Variants in ADAMTS16 observed in about 807,000 individuals in gnomAD.
ADAMTS16 encodes ADAM metallopeptidase with thrombospondin type 1 motif 16, also known as A disintegrin and metalloproteinase with thrombospondin motifs 16.
A neutral mutation model predicts 145.8 loss-of-function variants in ADAMTS16; 94 were observed. The observed-to-expected ratio is 0.64, with a 90% confidence interval of 0.55 to 0.77. ADAMTS16 has a LOEUF of 0.77. ADAMTS16 is among the 30% of genes least tolerant of loss of function. ADAMTS16 has a pLI of 0.00. For synonymous variants in ADAMTS16, 659 were observed against 604.3 expected (o/e 1.09, Z -1.33); for missense variants, 1,585 against 1,591.5 (o/e 1.00, Z 0.07).
intron 21 of ADAMTS16, among the ~76,000 whole-genome samples, chr5:5,307,156 G>C (rs771792754): frequency 2.5e-4 from 38 of 152,066 alleles, no homozygotes; most frequent in Non-Finnish European, 4.6e-4. Flanking sequence ...CATGGAGCGG[G>C]GGTTCCTTCC....
intron 8 of ADAMTS16, among the ~76,000 whole-genome samples, chr5:5,195,156 G>A (rs1735767821): frequency 6.6e-6 from 1 of 150,460 alleles, no homozygotes; most frequent in African/African-American, 2.5e-5. Flanking sequence ...GAGAGGAGGA[G>A]AGACTGGAAC....
At chr5:5,225,355 A>G (rs867385883) in intron 11 of ADAMTS16, among the ~76,000 whole-genome samples, 22 of 152,154 alleles carry the variant, frequency 1.4e-4, no homozygotes, top group African/African-American at 5.3e-4. Context: ...TAATCTCAGC[A>G]CTTTGGAAAG....
intron 8 of ADAMTS16, among the ~76,000 whole-genome samples, chr5:5,196,212 T>C (rs931304650): frequency 8.1e-5 from 9 of 111,110 alleles, no homozygotes; most frequent in African/African-American, 3.3e-4. Context: ...CACTCCAGCC[T>C]GGGCAACAGA....
intron 18 of ADAMTS16, among the ~76,000 whole-genome samples, chr5:5,276,711 G>A (rs572451044): frequency 9.2e-5 from 14 of 152,284 alleles, no homozygotes; most frequent in African/African-American, 3.1e-4. Flanking sequence ...CACACAGTGG[G>A]GCTGCTTGCA....
intron 18 of ADAMTS16, among the ~76,000 whole-genome samples, chr5:5,300,722 C>T (rs947593314): frequency 5.9e-5 from 9 of 152,294 alleles, no homozygotes; most frequent in Admixed American, 3.3e-4. Flanking sequence ...CCCTCTCCTT[C>T]GAGGTTCTAC....
At chr5:5,258,172 C>A (rs148852951) in intron 17 of ADAMTS16, among the ~76,000 whole-genome samples, 142 of 152,230 alleles carry the variant, frequency 9.3e-4, no homozygotes, top group African/African-American at 3.3e-3. Flanking sequence ...AATCATCCGC[C>A]GTTAGTGATT....
intron 17 of ADAMTS16, among the ~76,000 whole-genome samples, chr5:5,255,282 C>G (rs1737744677): frequency 6.6e-6 from 1 of 152,030 alleles, no homozygotes; most frequent in Admixed American, 6.6e-5. Flanking sequence ...AAAATAGAAA[C>G]CTTTCTAGGT....
chr5:5,255,684 G>A (rs1737756263), intron 17 of ADAMTS16, among the ~76,000 whole-genome samples: 1 of 152,204 alleles, frequency 6.6e-6, no homozygotes, highest in African/African-American at 2.4e-5. Flanking sequence ...ACAGATATGA[G>A]AGTTAGAAAA....
chr5:5,282,483 C>G (rs887345755), intron 18 of ADAMTS16, among the ~76,000 whole-genome samples: 8 of 152,080 alleles, frequency 5.3e-5, no homozygotes, highest in African/African-American at 1.7e-4. Context: ...GAAGGCCAGC[C>G]CTCTCCTCAC....
chr5:5,157,316 T>C (rs1734627683), intron 3 of ADAMTS16, among the ~76,000 whole-genome samples: 1 of 152,166 alleles, frequency 6.6e-6, no homozygotes, highest in East Asian at 1.9e-4. Flanking sequence ...CATATTTAAT[T>C]GATAACAAAT....
At chr5:5,252,012 G>A (rs1033664754) in intron 17 of ADAMTS16, among the ~76,000 whole-genome samples, 1 of 152,086 alleles carries the variant, frequency 6.6e-6, no homozygotes, top group Admixed American at 6.6e-5. Context: ...CACCACGCCC[G>A]GCTACTTTTT....
chr5:5,186,886 T>A (rs1296922799), intron 5 of ADAMTS16, among the ~76,000 whole-genome samples: 1 of 152,220 alleles, frequency 6.6e-6, no homozygotes, highest in African/African-American at 2.4e-5. Flanking sequence ...AATGACAATA[T>A]TTTAAAAGTA....
intron 3 of ADAMTS16, among the ~76,000 whole-genome samples, chr5:5,161,442 C>A (rs550982184): frequency 2.0e-5 from 3 of 152,152 alleles, no homozygotes; most frequent in Non-Finnish European, 4.4e-5. Context: ...GGGGACATAA[C>A]ACAGCTGTCC....
At position 5,319,630 on chromosome 5, in the gene ADAMTS16, G is replaced by C. The variant is rs1029823326; in HGVS notation, c.*492G>C. 3 of 342,966 alleles carry C rather than the reference G, an allele frequency of 8.7e-6. No homozygotes were observed. Among genetic ancestry groups the C allele is most frequent in the African/African-American group, 4.4e-5 (2 of 45,746 alleles). The allele number at this position is 342,966 out of a possible 1,614,324, so 21.2% of individuals were successfully genotyped here. A position where few individuals can be genotyped will look rare whatever the true frequency, so the allele number is the denominator to read the frequency against. On this transcript the variant is annotated 3_prime_UTR_variant, in exon 23 of 23. Coordinates refer to ENST00000274181, the MANE Select transcript of ADAMTS16 (RefSeq NM_139056.4). ...GGAGTGACCAACTTCCTGGGTGGAGGTCAGGGGAGCTCCAGGAGGCTGCCC... is the reference window on the plus strand; with the variant it reads ...GGAGTGACCAACTTCCTGGGTGGAGCTCAGGGGAGCTCCAGGAGGCTGCCC...
chr5:5,240,490 C>T lies in ADAMTS16; in HGVS notation c.2523+565C>T, dbSNP rs1737255392. On this transcript the variant is annotated intron_variant, in intron 16 of 22. Transcript: ENST00000274181. ...AAAATATAGTCAGATTCTGACAACA[C>T]CATCCTCGCATGCGACTGTGCAGAT... 2.0e-5 allele frequency among the ~76,000 whole-genome samples: 3 copies of T among 152,340 alleles called. No homozygotes were observed. In the South Asian group the frequency reaches 6.2e-4, roughly 32 times the overall value.
At chr5:5,291,843 A>C (rs970429307) in intron 18 of ADAMTS16, among the ~76,000 whole-genome samples, 4 of 152,192 alleles carry the variant, frequency 2.6e-5, no homozygotes, top group Non-Finnish European at 5.9e-5. Context: ...ACACAGGTAC[A>C]TTATGGTGAG....
chr5:5,314,512 T>G (rs1267268515), intron 21 of ADAMTS16, among the ~76,000 whole-genome samples: 1 of 152,206 alleles, frequency 6.6e-6, no homozygotes, highest in East Asian at 1.9e-4. Flanking sequence ...CAACTTGGAT[T>G]TTTTTCTTCC....
chr5:5,242,288 G>A (rs927477432), intron 17 of ADAMTS16, 97 bp downstream of exon 17: 164 of 1,460,288 alleles, frequency 1.1e-4, no homozygotes, highest in East Asian at 1.7e-4. Context: ...TGAGCAGCCC[G>A]GGGCTTCTCC....
chr5:5,186,281 T>A, intron 5 of ADAMTS16, 30 bp downstream of exon 5: 1 of 1,599,388 alleles, frequency 6.3e-7, no homozygotes, highest in Non-Finnish European at 8.5e-7. Context: ...TGAGGCCACC[T>A]GTGTCATTGC....
Sources: allele counts gnomAD v4.1 joint callset (sites outside exome capture counted in the v4.1 genomes callset), GRCh38; gene constraint gnomAD v4.1.1; transcripts MANE v1.5; gene names NCBI Gene and HGNC (gene_info 2026-07-23, HGNC 2026-07-21).